Variants in ACACB observed in about 807,000 individuals in gnomAD.
The protein encoded by ACACB is acetyl-CoA carboxylase 2.
ACACB carries 209 observed loss-of-function variants against 278.8 expected under a neutral mutation model. That is an observed-to-expected ratio of 0.75 (90% CI 0.67 to 0.84). ACACB has a LOEUF of 0.84. Among genes scored for constraint, ACACB ranks in the 40% least tolerant of loss-of-function variants. ACACB has a pLI of 0.00. For missense variants in ACACB, 2,850 were observed against 3,269.0 expected (o/e 0.87, Z 3.13); for synonymous variants, 1,174 against 1,285.6 (o/e 0.91, Z 1.86).
At chr12:109,116,465 G>A (rs973877449), upstream of ACACB, 6 of 152,218 alleles carry the variant, frequency 3.9e-5, no homozygotes, top group Non-Finnish European at 7.3e-5. Flanking sequence ...CTGCACAAGT[G>A]GTTTGACGTG....
At position 109,265,345 on chromosome 12, in the gene ACACB, C is replaced by T. The variant is rs1346797508; in HGVS notation, c.7114-44C>T. The T allele has an allele frequency of 3.1e-6, 5 of 1,610,820 alleles. No individual in the cohort carries two copies. In the East Asian group the frequency reaches 1.1e-4, roughly 36 times the overall value. On this transcript the variant is annotated intron_variant, in intron 51 of 52. Transcript: ENST00000338432. Reference sequence around the variant, plus strand: ...GTGCTGGGGGCTGAGACAGCTGGCCCACAGCTGGGTCCCTCTCTGAGGCAT... The same window carrying T: ...GTGCTGGGGGCTGAGACAGCTGGCCTACAGCTGGGTCCCTCTCTGAGGCAT...
At chr12:109,114,086 C>CCT (rs1316331541), upstream of ACACB, among the ~76,000 whole-genome samples, 2 of 152,054 alleles carry the variant, frequency 1.3e-5, no homozygotes, top group African/African-American at 4.8e-5. Flanking sequence ...TTCAGGTGAT[C>CCT]CTCCTGCCTC....
rs544990923 is a variant in ACACB, at chr12:109,206,710, G to A, written c.2914G>A (p.Ala972Thr). The change falls in exon 20 of 53, where the codon GCT (alanine) becomes ACT (threonine). Residue 972 changes from alanine to threonine, a missense_variant and splice_region_variant. Physicochemically the swap from Ala to Thr is moderately conservative, Grantham distance 58 (BLOSUM62 0). Transcript: ENST00000338432. ...ELDDPSKVHP[A>T]EPFTGELPAQ... ...TGTCGTTCTTGTGGTGTCTCATCAG[G>A]CTGAACCGTTCACAGGAGAACTCCC... is the stretch of plus-strand genomic sequence containing the variant. The A allele has an allele frequency of 1.9e-6, 3 of 1,613,876 alleles. No homozygotes were observed. The highest frequency in any genetic ancestry group is 2.2e-5 in the South Asian group (2 of 91,064).
intron 2 of ACACB, 135 bp from the exon 3 acceptor site, chr12:109,166,726 C>A: frequency 1.2e-6 from 1 of 858,774 alleles, no homozygotes; most frequent in Non-Finnish European, 1.7e-6. Context: ...GCTTCAGGGG[C>A]TCTGGAGAGC....
Position 109,241,067 on chromosome 12 carries a change from T to A in ACACB, c.4819-11T>A. 1 of 1,612,698 alleles carries A rather than the reference T, an allele frequency of 6.2e-7. No homozygotes were observed. The highest frequency in any genetic ancestry group is 2.2e-5 in the East Asian group (1 of 44,836). ...TGGCCCTGAAACTGGAATTGCTGTG[T>A]TTTGGGGCAGATCGAGGAGTCCGTG... On this transcript the variant is annotated splice_polypyrimidine_tract_variant and intron_variant, in intron 35 of 52. Transcript: ENST00000338432.
chr12:109,179,575 C>T (rs1422523146), intron 10 of ACACB, among the ~76,000 whole-genome samples: 1 of 152,204 alleles, frequency 6.6e-6, no homozygotes, highest in African/African-American at 2.4e-5. Flanking sequence ...CAGCCTGTAA[C>T]TCCTGGGCTC....
chr12:109,242,345 C>G, intron 36 of ACACB, 92 bp from the exon 37 acceptor site: 1 of 1,419,550 alleles, frequency 7.0e-7, no homozygotes, highest in Non-Finnish European at 9.8e-7. Context: ...TTGCTTCCCC[C>G]ACCTGCATTT....
At position 109,242,524 on chromosome 12, in the gene ACACB, G is replaced by A; in HGVS notation, c.5110G>A (p.Ala1704Thr). 1 of 1,614,142 alleles carries A rather than the reference G, an allele frequency of 6.2e-7. No individual in the cohort carries two copies. The highest frequency in any genetic ancestry group is 8.5e-7 in the Non-Finnish European group (1 of 1,180,016). ...CTACGTCACCAAGGATCTGCTCCAG[G>A]CCAAGCGATTCCAGGCCCAGACCCT... Reference protein sequence around the residue: ...TPYVTKDLLQAKRFQAQTLGT... With the variant: ...TPYVTKDLLQTKRFQAQTLGT... The change falls in exon 37 of 53, where the codon GCC (alanine) becomes ACC (threonine). Residue 1704 changes from alanine to threonine, a missense_variant. By Grantham distance (58) the Ala-to-Thr change is moderately conservative. This residue lies in a region of ACACB where 2,265 missense variants were observed against 2,561.3 expected (regional missense o/e 0.88). Coordinates refer to ENST00000338432, the MANE Select transcript of ACACB (RefSeq NM_001093.4).
intron 2 of ACACB, among the ~76,000 whole-genome samples, chr12:109,163,263 C>G (rs2043793832): frequency 6.6e-6 from 1 of 152,060 alleles, no homozygotes; most frequent in Non-Finnish European, 1.5e-5. Context: ...AAGGTCCAAA[C>G]CAGTAGACAC....
intron 21 of ACACB, among the ~76,000 whole-genome samples, chr12:109,210,423 A>G (rs953836101): frequency 1.4e-4 from 19 of 140,534 alleles, no homozygotes; most frequent in Non-Finnish European, 1.9e-4. Context: ...ATGTGTATAT[A>G]TGTATATACA....
chr12:109,116,532 G>A (rs1045799929), upstream of ACACB: 21 of 152,160 alleles, frequency 1.4e-4, no homozygotes, highest in African/African-American at 5.1e-4. Context: ...AGTGCTCCAG[G>A]GATATTTTTA....
rs1028860665 is a variant in ACACB, at chr12:109,239,734, C to T, written c.4663-96C>T. On this transcript the variant is annotated intron_variant, in intron 34 of 52. Transcript: ENST00000338432. Reference sequence around the variant, plus strand: ...ACTTTTTGGAGGAGGGGAATGTTTTCCTCCTGTCTCTGCCTCTTTGGGGCT... The same window carrying T: ...ACTTTTTGGAGGAGGGGAATGTTTTTCTCCTGTCTCTGCCTCTTTGGGGCT... 15 of 1,370,552 alleles carry T rather than the reference C, an allele frequency of 1.1e-5. No individual in the cohort carries two copies. The African/African-American group carries it at 2.2e-4, about 20-fold the overall frequency. 84.9% of individuals were successfully genotyped at this position (1,370,552 alleles called of 1,614,324 possible).
chr12:109,129,842 C>T (rs1028274780), intron 1 of ACACB, among the ~76,000 whole-genome samples: 1 of 152,218 alleles, frequency 6.6e-6, no homozygotes, highest in Non-Finnish European at 1.5e-5. Context: ...TGCTGTGAAC[C>T]AAATGTGAAT....
rs115159416 is a variant in ACACB, at chr12:109,177,632, C to T, written c.1437+1369C>T. The stretch of plus-strand genomic sequence containing the variant: ...TTGCAGCAGCAGTACAGAAAGTTCA[C>T]ATCTATCCTTCGCCCGGTTTCACTC... On this transcript the variant is annotated intron_variant, in intron 9 of 52. Transcript: ENST00000338432. Among the ~76,000 whole-genome samples, 221 of 152,304 alleles carry T rather than the reference C, an allele frequency of 1.5e-3. 2 individuals carry two copies. The highest frequency in any genetic ancestry group is 5.0e-3 in the African/African-American group (209 of 41,566).
chr12:109,232,945 A>G, intron 29 of ACACB, 139 bp downstream of exon 29: 1 of 1,050,390 alleles, frequency 9.5e-7, no homozygotes, highest in Non-Finnish European at 1.4e-6. Flanking sequence ...ACAACAGAAT[A>G]ATAATAGCAT....
intron 29 of ACACB, among the ~76,000 whole-genome samples, 179 bp from the exon 30 acceptor site, chr12:109,233,569 G>A (rs577083961): frequency 3.3e-5 from 5 of 152,266 alleles, no homozygotes; most frequent in South Asian, 2.1e-4. Flanking sequence ...ACCCCATCAC[G>A]GGTGCTCTGG....
intron 41 of ACACB, among the ~76,000 whole-genome samples, chr12:109,250,984 C>T (rs932938709): frequency 2.6e-5 from 4 of 152,250 alleles, no homozygotes; most frequent in African/African-American, 9.6e-5. Flanking sequence ...TCTGCATGCA[C>T]GTGGTCTGCC....
At chr12:109,203,151 G>A (rs1176955159) in intron 19 of ACACB, among the ~76,000 whole-genome samples, 1 of 152,116 alleles carries the variant, frequency 6.6e-6, no homozygotes, top group Non-Finnish European at 1.5e-5. Flanking sequence ...TTAGCGTAAC[G>A]TCTCCAAGTT....
chr12:109,210,255 A>ATATGTATATATACACACATATC lies in ACACB; in HGVS notation c.3249+903_3249+904insATGTATATATACACACATATCT, dbSNP rs373367726. Among the ~76,000 whole-genome samples, 11 of 16,078 alleles carry ATATGTATATATACACACATATC rather than the reference A, an allele frequency of 6.8e-4. 3 individuals carry two copies. Among genetic ancestry groups the ATATGTATATATACACACATATC allele is most frequent in the Admixed American group, 1.7e-3 (2 of 1,208 alleles). The allele number at this position is 16,078 out of a possible 152,430, so 10.5% of individuals were successfully genotyped here. A position where few individuals can be genotyped will look rare whatever the true frequency, so the allele number is the denominator to read the frequency against. On this transcript the variant is annotated intron_variant, in intron 21 of 52. Coordinates refer to ENST00000338432, the MANE Select transcript of ACACB (RefSeq NM_001093.4). ...TATGTATATATGTATATATACACAC[A>ATATGTATATATACACACATATC]TGTGTGTATATGTACATATACACAC... is the stretch of plus-strand genomic sequence containing the variant.
Sources: gnomAD v4.1 joint callset for allele counts (sites outside exome capture counted in the v4.1 genomes callset) on GRCh38, gnomAD v4.1.1 for gene constraint, gnomAD v4.1.1 regional missense constraint, MANE v1.5 for transcripts, NCBI Gene and HGNC (gene_info 2026-07-23, HGNC 2026-07-21) for gene names.